IQSEC2: variants seen among roughly 807,000 people sequenced by gnomAD.
The protein encoded by IQSEC2 is IQ motif and Sec7 domain ArfGEF 2, also known as IQ motif and SEC7 domain-containing protein 2.
Under a neutral mutation model 74.6 loss-of-function variants are expected in IQSEC2, and 6 were observed. That is an observed-to-expected ratio of 0.08 (90% CI 0.04 to 0.16). The LOEUF is 0.16. IQSEC2 is among the 10% of genes least tolerant of loss of function. IQSEC2 has a pLI of 1.00. For synonymous variants in IQSEC2, 494 were observed against 544.5 expected (o/e 0.91, Z 1.29); for missense variants, 734 against 1,306.2 (o/e 0.56, Z 6.75).
At chrX:53,252,163 C>T (rs782106502) in intron 4 of IQSEC2, among the ~76,000 whole-genome samples, 12 of 111,902 alleles carry the variant, frequency 1.1e-4, no homozygotes, top group Non-Finnish European at 2.1e-4. Flanking sequence ...CAGGTTCAAG[C>T]GATTCTCCTT....
chrX:53,243,005 T>G (rs1316836833), intron 9 of IQSEC2, among the ~76,000 whole-genome samples: 1 of 112,296 alleles, frequency 8.9e-6, no homozygotes, highest in African/African-American at 3.2e-5. Flanking sequence ...CCCAAAGTGC[T>G]GGGATTACAG....
At chrX:53,267,251 T>A in intron 2 of IQSEC2, among the ~76,000 whole-genome samples, 1 of 111,924 alleles carries the variant, frequency 8.9e-6, no homozygotes, top group Non-Finnish European at 1.9e-5. Flanking sequence ...CAACTCAGTG[T>A]GCTGGGACAG....
intron 1 of IQSEC2, among the ~76,000 whole-genome samples, chrX:53,317,738 C>T (rs2075392154): frequency 8.9e-6 from 1 of 112,641 alleles, no homozygotes; most frequent in South Asian, 3.6e-4. Flanking sequence ...GCCTCTGCTG[C>T]TAAACTCCCA....
downstream of IQSEC2, chrX:53,228,920 T>A (rs1249094563): frequency 1.8e-5 from 2 of 112,780 alleles, no homozygotes; most frequent in Non-Finnish European, 3.7e-5. Context: ...AAAGTAATGT[T>A]AATTCAAAAT....
At chrX:53,298,455 G>C (rs2075177992) in intron 1 of IQSEC2, among the ~76,000 whole-genome samples, 1 of 111,756 alleles carries the variant, frequency 8.9e-6, no homozygotes, top group Admixed American at 9.5e-5. Context: ...TGTTGCTGTT[G>C]ATAAGTCCAA....
intron 4 of IQSEC2, among the ~76,000 whole-genome samples, chrX:53,253,310 T>G (rs2074419124): frequency 8.9e-6 from 1 of 111,912 alleles, no homozygotes; most frequent in Non-Finnish European, 1.9e-5. Context: ...CTAAAAGGGT[T>G]TTCTCTCCAT....
chrX:53,308,183 A>G (rs1392713207), intron 1 of IQSEC2, among the ~76,000 whole-genome samples: 2 of 107,661 alleles, frequency 1.9e-5, no homozygotes, highest in African/African-American at 6.7e-5. Context: ...AAAAAAAAAA[A>G]AAAAGAAGAG....
chrX:53,243,377 C>A lies in IQSEC2; in HGVS notation c.2844G>T (p.Val948=). ...GRELRTNDDH[V]SQVQAVERMI... is the part of the protein sequence containing the mutation. ...TGCGCTCCACAGCCTGCACCTGGGA[C>A]ACATGGTCATCGTTGGTCCGCAGTT... The change falls in exon 9 of 15, where the codon GTG becomes GTT. Residue 948 remains valine, a synonymous_variant. Transcript: ENST00000642864. 3 of 1,167,774 alleles carry A rather than the reference C, an allele frequency of 2.6e-6. No homozygotes were observed. Among genetic ancestry groups the A allele is most frequent in the Non-Finnish European group, 3.4e-6 (3 of 873,120 alleles).
chrX:53,313,603 T>A (rs1313450997), intron 1 of IQSEC2, among the ~76,000 whole-genome samples: 1 of 112,296 alleles, frequency 8.9e-6, no homozygotes, highest in Non-Finnish European at 1.9e-5. Context: ...ATGTTTATGA[T>A]CCTGCCAGGG....
Position 53,251,069 on chromosome X carries a change from C to T in IQSEC2, c.1507G>A (p.Glu503Lys), listed in dbSNP as rs912797030. The T allele has an allele frequency of 8.3e-7, 1 of 1,211,697 alleles. No homozygotes were observed. The highest frequency in any genetic ancestry group is 1.1e-6 in the Non-Finnish European group (1 of 895,473). Residue 503 changes from glutamate to lysine, a missense_variant, in exon 5 of 15, where the codon GAA becomes AAA. By Grantham distance (56) the Glu-to-Lys change is moderately conservative. This residue lies in a region of IQSEC2 where 204 missense variants were observed against 305.4 expected (regional missense o/e 0.67). Coordinates refer to ENST00000642864, the MANE Select transcript of IQSEC2 (RefSeq NM_001111125.3). ...GTGGCTGAGCTGTCCTCTTGCTGTTCCTTTGACTCCCGCTTCTCCAGCTGG... is the reference window on the plus strand; with the variant it reads ...GTGGCTGAGCTGTCCTCTTGCTGTTTCTTTGACTCCCGCTTCTCCAGCTGG... The part of the protein sequence containing the change: ...SAQLEKRESK[E>K]QQEDSSATSF...
chrX:53,258,868 C>A (rs2074518460), intron 2 of IQSEC2, among the ~76,000 whole-genome samples: 1 of 22,744 alleles, frequency 4.4e-5, no homozygotes, highest in South Asian at 4.3e-3. Context: ...AACAAACAAA[C>A]AAAACCCACC....
intron 2 of IQSEC2, among the ~76,000 whole-genome samples, chrX:53,283,548 C>A (rs1440665789): frequency 8.9e-6 from 1 of 111,853 alleles, no homozygotes; most frequent in Non-Finnish European, 1.9e-5. Context: ...CCATGGGAAG[C>A]CTGTTTGTTT....
intron 2 of IQSEC2, chrX:53,266,910 G>C: frequency 9.1e-7 from 1 of 1,103,844 alleles, no homozygotes; most frequent in Non-Finnish European, 1.2e-6. Flanking sequence ...TGGGGGGAAG[G>C]AGGGGCTGGT....
chrX:53,308,584 T>C (rs1475238296), intron 1 of IQSEC2, among the ~76,000 whole-genome samples: 1 of 111,311 alleles, frequency 9.0e-6, no homozygotes, highest in Non-Finnish European at 1.9e-5. Context: ...GCAAATGTAA[T>C]CTACATTGCT....
chrX:53,277,953 G>A (rs2074864072), intron 2 of IQSEC2, among the ~76,000 whole-genome samples: 1 of 107,537 alleles, frequency 9.3e-6, no homozygotes, highest in African/African-American at 3.4e-5. Context: ...TTACAGGCAT[G>A]AGCCACTGTG....
downstream of IQSEC2, among the ~76,000 whole-genome samples, chrX:53,232,102 C>T (rs1299102005): frequency 9.0e-6 from 1 of 111,546 alleles, no homozygotes; most frequent in African/African-American, 3.3e-5. Context: ...GCTAGAAACA[C>T]GTCCGTTTCG....
chrX:53,250,341 T>C lies in IQSEC2; in HGVS notation c.2235A>G (p.Pro745=), dbSNP rs782228592. The C allele has an allele frequency of 2.5e-6, 3 of 1,211,900 alleles. No homozygotes were observed. Among genetic ancestry groups the C allele is most frequent in the Non-Finnish European group, 2.2e-6 (2 of 895,492 alleles). The change falls in exon 5 of 15, where the codon CCA becomes CCG. Residue 745 remains proline (P), a synonymous_variant. Coordinates refer to ENST00000642864, the MANE Select transcript of IQSEC2 (RefSeq NM_001111125.3). ...TCTGGACCACATCATTGTTGAAAGC[T>C]GGCGAGTCCCAGCTATGCCTTGTCT... The part of the protein sequence containing the change: ...QRETRHSWDS[P]AFNNDVVQRR...
At chrX:53,316,299 C>T (rs957991702) in intron 1 of IQSEC2, among the ~76,000 whole-genome samples, 2 of 111,551 alleles carry the variant, frequency 1.8e-5, no homozygotes, top group African/African-American at 3.3e-5. Flanking sequence ...TCCTCCCACA[C>T]GAAGATAATG....
intron 1 of IQSEC2, among the ~76,000 whole-genome samples, chrX:53,307,190 C>T (rs1556876838): frequency 3.6e-5 from 4 of 109,839 alleles, no homozygotes; most frequent in Non-Finnish European, 7.6e-5. Flanking sequence ...CCTGCCAGCT[C>T]GCCAAAATGA....
Sources: allele counts gnomAD v4.1 joint callset (sites outside exome capture counted in the v4.1 genomes callset), GRCh38; gene constraint gnomAD v4.1.1; regional missense constraint gnomAD v4.1.1; transcripts MANE v1.5; gene names NCBI Gene and HGNC (gene_info 2026-07-23, HGNC 2026-07-21).